Variants in SNX7 observed in about 807,000 individuals in gnomAD.
SNX7 encodes the protein sorting nexin 7.
In SNX7, 35 loss-of-function variants were observed where a neutral mutation model predicts 48.4. That is an observed-to-expected ratio of 0.72 (90% CI 0.55 to 0.96). The LOEUF is 0.96. Among genes scored for constraint, SNX7 ranks in the 40% least tolerant of loss-of-function variants. The pLI, the probability that SNX7 is intolerant of heterozygous loss-of-function variation, is 0.00. For missense variants in SNX7, 553 were observed against 548.9 expected (o/e 1.01, Z -0.07); for synonymous variants, 190 against 190.2 (o/e 1.00, Z 0.01).
rs752426681 is a variant in SNX7, at chr1:98,691,120, C to T, written c.409C>T (p.Arg137Ter). 2.0e-5 allele frequency: 32 copies of T among 1,608,144 alleles called. No homozygotes were observed. Among genetic ancestry groups the T allele is most frequent in the East Asian group, 4.5e-5 (2 of 44,490 alleles). Reference sequence around the variant, plus strand: ...CTCCAGTGAATTTGAAGTTAGGAGACGATATCAAGATTTCCTTTGGTTGAA... The same window carrying T: ...CTCCAGTGAATTTGAAGTTAGGAGATGATATCAAGATTTCCTTTGGTTGAA... ...FDSSEFEVRR[R>*]YQDFLWLKGK... is the part of the protein sequence containing the mutation. Residue 137 changes from arginine to a stop codon, truncating the protein, a stop_gained, in exon 3 of 9, where the codon CGA (arginine) becomes TGA (stop). Transcript: ENST00000306121. LOFTEE classifies it high-confidence loss of function.
chr1:98,738,056 C>G (rs534322841), intron 7 of SNX7, among the ~76,000 whole-genome samples, 181 bp from the exon 8 acceptor site: 1 of 152,288 alleles, frequency 6.6e-6, no homozygotes, highest in African/African-American at 2.4e-5. Flanking sequence ...AACCCTGACT[C>G]AACCTGACTG....
chr1:98,754,688 A>G (rs1418527048), intron 8 of SNX7, among the ~76,000 whole-genome samples: 2 of 151,888 alleles, frequency 1.3e-5, no homozygotes, highest in Non-Finnish European at 2.9e-5. Context: ...TTGGCAATTT[A>G]TGTCATCTCT....
At position 98,760,097 on chromosome 1, in the gene SNX7, T is replaced by G; in HGVS notation, c.1322T>G (p.Leu441Arg). 2 of 1,610,158 alleles carry G rather than the reference T, an allele frequency of 1.2e-6. No homozygotes were observed. The highest frequency in any genetic ancestry group is 1.7e-6 in the Non-Finnish European group (2 of 1,176,818). Residue 441 changes from leucine to arginine, a missense_variant, in exon 9 of 9, where the codon CTT (leucine) becomes CGT (arginine). Coordinates refer to ENST00000306121, the MANE Select transcript of SNX7 (RefSeq NM_015976.5). ...TCATTCCTTACATCACAGACCAACCTTCACTTGGAAGAAGCCTCTGAAGAT... is the reference window on the plus strand; with the variant it reads ...TCATTCCTTACATCACAGACCAACCGTCACTTGGAAGAAGCCTCTGAAGAT... ...WESFLTSQTN[L>R]HLEEASEDKP
intron 1 of SNX7, 33 bp downstream of exon 1, chr1:98,661,944 TC>T: frequency 8.0e-7 from 1 of 1,245,942 alleles, no homozygotes; most frequent in Non-Finnish European, 1.0e-6. Context: ...CCGGGAAACT[TC>T]CAAGGCAACT....
chr1:98,685,192 C>A, intron 2 of SNX7, 125 bp downstream of exon 2: 1 of 566,686 alleles, frequency 1.8e-6, no homozygotes, highest in Non-Finnish European at 2.8e-6. Context: ...TTTACTTTTT[C>A]AAACCTTTTG....
Position 98,738,285 on chromosome 1 carries a change from A to G in SNX7, c.1174A>G (p.Asn392Asp), listed in dbSNP as rs757995301. 3.1e-6 allele frequency: 5 copies of G among 1,613,504 alleles called. No individual in the cohort carries two copies. In the Admixed American group the frequency reaches 8.3e-5, roughly 27 times the overall value. ...KLEDKVECAN[N>D]ALKADWERWK... ...TGAAGATAAAGTGGAATGTGCTAAT[A>G]ATGCCCTGAAAGCAGATTGGGAGAG... Residue 392 changes from asparagine to aspartate, a missense_variant, in exon 8 of 9, where the codon AAT becomes GAT. Coordinates refer to ENST00000306121, the MANE Select transcript of SNX7 (RefSeq NM_015976.5).
At chr1:98,759,311 A>T (rs946073960) in intron 8 of SNX7, among the ~76,000 whole-genome samples, 12 of 152,204 alleles carry the variant, frequency 7.9e-5, no homozygotes, top group Middle Eastern at 3.4e-3. Flanking sequence ...ATGTGTACAG[A>T]CTATTAAAAT....
intron 1 of SNX7, among the ~76,000 whole-genome samples, chr1:98,677,040 T>G (rs1650203552): frequency 6.6e-6 from 1 of 152,212 alleles, no homozygotes; most frequent in African/African-American, 2.4e-5. Context: ...GACAAAACTT[T>G]TGATTCCAAC....
rs544600187 is a variant in SNX7 at position 98,736,627 on chromosome 1, C to G, written c.1126-1610C>G. ...AACAAGAGAGTGAAAAAATAAAACA[C>G]AGACACAGACATGAAAGTCAGCCTT... On this transcript the variant is annotated intron_variant, in intron 7 of 8. Transcript: ENST00000306121. Among the ~76,000 whole-genome samples, 11 of 152,248 alleles carry G rather than the reference C, an allele frequency of 7.2e-5. No homozygotes were observed. The South Asian group carries it at 2.3e-3, about 32-fold the overall frequency.
intron 1 of SNX7, chr1:98,662,955 C>A: frequency 1.4e-6 from 1 of 733,932 alleles, no homozygotes; most frequent in Non-Finnish European, 1.9e-6. Flanking sequence ...AATGATAGGC[C>A]CAGGTTTGTA....
chr1:98,690,415 T>G (rs1484382835), intron 2 of SNX7, among the ~76,000 whole-genome samples: 1 of 152,018 alleles, frequency 6.6e-6, no homozygotes, highest in Non-Finnish European at 1.5e-5. Flanking sequence ...GAACAGATAT[T>G]TTAATGTATT....
intron 1 of SNX7, among the ~76,000 whole-genome samples, chr1:98,680,089 A>G (rs545711914): frequency 3.3e-5 from 5 of 152,326 alleles, no homozygotes; most frequent in East Asian, 1.9e-4. Flanking sequence ...AGGCATTTCC[A>G]TACATCCTCT....
intron 8 of SNX7, among the ~76,000 whole-genome samples, chr1:98,752,730 A>G (rs1055929536): frequency 1.3e-5 from 2 of 152,068 alleles, no homozygotes; most frequent in African/African-American, 4.8e-5. Context: ...CCTGGCATGT[A>G]TTAATTCAGT....
chr1:98,716,031 C>T (rs1570561612), intron 7 of SNX7, among the ~76,000 whole-genome samples: 1 of 152,104 alleles, frequency 6.6e-6, no homozygotes, highest in East Asian at 1.9e-4. Flanking sequence ...GGGATTCATT[C>T]TTGATATCTT....
intron 4 of SNX7, among the ~76,000 whole-genome samples, chr1:98,693,920 G>C (rs927958874): frequency 6.6e-6 from 1 of 152,048 alleles, no homozygotes; most frequent in African/African-American, 2.4e-5. Flanking sequence ...AAAATCCCTT[G>C]TCCTTTTTTG....
rs1491348958 is a variant in SNX7, at chr1:98,663,252, G to GTTTTTTTTTTTTTTTTTTTTTTT, written c.180+1341_180+1342insTTTTTTTTTTTTTTTTTTTTTTT. Among the ~76,000 whole-genome samples the GTTTTTTTTTTTTTTTTTTTTTTT allele has an allele frequency of 6.0e-5, 5 of 83,184 alleles. 2 individuals carry two copies. Among genetic ancestry groups the GTTTTTTTTTTTTTTTTTTTTTTT allele is most frequent in the African/African-American group, 1.1e-4 (2 of 18,276 alleles). The allele number at this position is 83,184 out of a possible 152,430, so 54.6% of individuals were successfully genotyped here. On this transcript the variant is annotated intron_variant, in intron 1 of 8. Transcript: ENST00000306121. ...ATCAGAATCATCAGGGTTTCTTTCTGGTTTTTTTTTTTTTTTTTTTTTTTT... is the reference window on the plus strand; with the variant it reads ...ATCAGAATCATCAGGGTTTCTTTCTGTTTTTTTTTTTTTTTTTTTTTTTGTTTTTTTTTTTTTTTTTTTTTTTT...
chr1:98,684,690 C>A (rs1402609894), intron 1 of SNX7, among the ~76,000 whole-genome samples, 195 bp from the exon 2 acceptor site: 2 of 152,138 alleles, frequency 1.3e-5, no homozygotes, highest in African/African-American at 4.8e-5. Flanking sequence ...TTGTTTGTTT[C>A]TTTCTTTACT....
At chr1:98,728,334 GCTGAGGGAATTCATCA>G (rs1653303374) in intron 7 of SNX7, among the ~76,000 whole-genome samples, 1 of 152,176 alleles carries the variant, frequency 6.6e-6, no homozygotes, top group Non-Finnish European at 1.5e-5. Context: ...ACAAGCAAAT[GCTGAGGGAATTCATCA>G]CCACCAGGCC....
intron 2 of SNX7, among the ~76,000 whole-genome samples, chr1:98,690,632 GT>G (rs1474202626): frequency 1.3e-5 from 2 of 152,030 alleles, no homozygotes; most frequent in Non-Finnish European, 1.5e-5. Flanking sequence ...ATTTTTCTCA[GT>G]TACATTCAGG....
Sources: gnomAD v4.1 joint callset for allele counts (sites outside exome capture counted in the v4.1 genomes callset) on GRCh38, gnomAD v4.1.1 for gene constraint, MANE v1.5 for transcripts, NCBI Gene and HGNC (gene_info 2026-07-23, HGNC 2026-07-21) for gene names.